The following MYLK variants were observed in gnomAD, a reference collection of about 807,000 sequenced individuals.
The protein encoded by MYLK is myosin light chain kinase, smooth muscle.
MYLK carries 106 observed loss-of-function variants against 203.4 expected under a neutral mutation model. The observed-to-expected ratio is 0.52, with a 90% CI of 0.45 to 0.61. The LOEUF (loss-of-function observed/expected upper bound fraction) is 0.61. Among genes scored for constraint, MYLK ranks in the 20% least tolerant of loss-of-function variants. MYLK has a pLI of 0.00. For missense variants in MYLK, 2,072 were observed against 2,442.3 expected, an observed-to-expected ratio of 0.85 and a Z score of 3.20; for synonymous variants, 867 against 959.5, an observed-to-expected ratio of 0.90 and a Z score of 1.78.
chr3:123,618,669 T>G lies in MYLK; in HGVS notation c.5470A>C (p.Ser1824Arg), dbSNP rs1212387004. 2.5e-6 allele frequency: 4 copies of G among 1,614,146 alleles called. No homozygotes were observed. The highest frequency in any genetic ancestry group is 1.7e-6 in the Non-Finnish European group (2 of 1,180,004). Reference sequence around the variant, plus strand: ...ATCTTGCAGTCAAATCTAGCAGCACTTCCCTCCACAACTTCTAAATCGCGA... The same window carrying G: ...ATCTTGCAGTCAAATCTAGCAGCACGTCCCTCCACAACTTCTAAATCGCGA... ...TIRDLEVVEG[S>R]AARFDCKIEG... Residue 1824 changes from serine to arginine, a missense_variant, in exon 33 of 34, where the codon AGT becomes CGT. Transcript: ENST00000360304.
At chr3:123,878,078 G>C (rs1212150196) in intron 1 of MYLK, among the ~76,000 whole-genome samples, 2 of 152,152 alleles carry the variant, frequency 1.3e-5, no homozygotes, top group African/African-American at 4.8e-5. Flanking sequence ...CTTCCACCCA[G>C]ATGTACTGAG....
chr3:123,743,998 C>A (rs1436050255), intron 5 of MYLK, among the ~76,000 whole-genome samples: 1 of 152,160 alleles, frequency 6.6e-6, no homozygotes, highest in African/African-American at 2.4e-5. Flanking sequence ...TACTTGTAGC[C>A]AACTTCAAAG....
intron 3 of MYLK, among the ~76,000 whole-genome samples, chr3:123,810,954 C>T (rs981452432): frequency 2.6e-5 from 4 of 152,232 alleles, no homozygotes; most frequent in African/African-American, 9.6e-5. Flanking sequence ...CTACCTTTTT[C>T]TCCTCACACT....
intron 33 of MYLK, 105 bp downstream of exon 33, chr3:123,618,534 G>T: frequency 6.6e-7 from 1 of 1,515,540 alleles, no homozygotes; most frequent in Non-Finnish European, 9.1e-7. Flanking sequence ...GTTCCTCATT[G>T]TCCCCAGCTG....
At chr3:123,806,961 G>C (rs556639190) in intron 3 of MYLK, among the ~76,000 whole-genome samples, 1 of 151,960 alleles carries the variant, frequency 6.6e-6, no homozygotes, top group African/African-American at 2.4e-5. Flanking sequence ...CACCGTGCCT[G>C]GCCAACATAC....
rs774172101 is a variant in MYLK at position 123,732,942 on chromosome 3, G to A, written c.1470C>T (p.Ser490=). Residue 490 remains serine (S), a synonymous_variant, in exon 11 of 34, where the codon TCC becomes TCT. Coordinates refer to ENST00000360304, the MANE Select transcript of MYLK (RefSeq NM_053025.4). Reference sequence around the variant, plus strand: ...TACAGGACAGCTGGCCTTGGGCGTTGGAAGCAGTGCAGCTGTATGTCCCAC... The same window carrying A: ...TACAGGACAGCTGGCCTTGGGCGTTAGAAGCAGTGCAGCTGTATGTCCCAC... ...RDSGTYSCTA[S]NAQGQLSCSW... The A allele has an allele frequency of 6.2e-7, 1 of 1,614,208 alleles. No individual in the cohort carries two copies. The highest frequency in any genetic ancestry group is 8.5e-7 in the Non-Finnish European group (1 of 1,180,040).
rs1238500264 is a variant in MYLK, at chr3:123,708,686, G to A, written c.2140+12C>T. The A allele has an allele frequency of 3.7e-6, 6 of 1,613,920 alleles. No homozygotes were observed. The highest frequency in any genetic ancestry group is 4.2e-6 in the Non-Finnish European group (5 of 1,180,008). On this transcript the variant is annotated intron_variant, in intron 15 of 33. Coordinates refer to ENST00000360304, the MANE Select transcript of MYLK (RefSeq NM_053025.4). ...ATCTCCTTCCCACTCGCTCTGAGTGGGTCAGCCTCACCTTGTACCGTGAGC... is the reference window on the plus strand; with the variant it reads ...ATCTCCTTCCCACTCGCTCTGAGTGAGTCAGCCTCACCTTGTACCGTGAGC...
chr3:123,807,897 T>C (rs2065426339), intron 3 of MYLK, among the ~76,000 whole-genome samples: 1 of 152,234 alleles, frequency 6.6e-6, no homozygotes, highest in Non-Finnish European at 1.5e-5. Context: ...CCAGGAGGCC[T>C]TGGCAGTGTG....
In MYLK at chr3:123,657,406, G is replaced by A; in HGVS notation, c.4008C>T (p.Gly1336=). The change falls in exon 24 of 34, where the codon GGC becomes GGT. Residue 1336 remains glycine (G), a synonymous_variant. Transcript: ENST00000360304. ...TVVDKPDPPA[G]TPCASDIRSS... ...TCCGAATGTCAGAGGCACAAGGTGT[G>A]CCAGCTGGGGGGTCTGGCTTATCTG... The A allele has an allele frequency of 6.2e-7, 1 of 1,613,672 alleles. No homozygotes were observed. Among genetic ancestry groups the A allele is most frequent in the Non-Finnish European group, 8.5e-7 (1 of 1,180,008 alleles).
chr3:123,750,366 T>C (rs1225970209), intron 5 of MYLK, among the ~76,000 whole-genome samples: 1 of 152,210 alleles, frequency 6.6e-6, no homozygotes, highest in African/African-American at 2.4e-5. Flanking sequence ...GCCCTCAGCC[T>C]GATTTCCTTT....
chr3:123,805,160 T>C (rs973325136), intron 3 of MYLK, among the ~76,000 whole-genome samples: 1 of 152,160 alleles, frequency 6.6e-6, no homozygotes, highest in Non-Finnish European at 1.5e-5. Flanking sequence ...GATACTTCTA[T>C]TCCAAATCCT....
chr3:123,735,231 T>C, intron 9 of MYLK, 167 bp downstream of exon 9: 1 of 921,106 alleles, frequency 1.1e-6, no homozygotes, highest in Non-Finnish European at 1.8e-6. Context: ...CCGTGTGTCA[T>C]ATTACAATAG....
chr3:123,686,118 T>C (rs564587314), intron 19 of MYLK, among the ~76,000 whole-genome samples: 21 of 152,326 alleles, frequency 1.4e-4, no homozygotes, highest in African/African-American at 4.3e-4. Flanking sequence ...GGGATAAAAA[T>C]AATAGTAATA....
intron 31 of MYLK, 128 bp from the exon 32 acceptor site, chr3:123,620,464 G>A: frequency 1.9e-6 from 3 of 1,582,210 alleles, no homozygotes; most frequent in South Asian, 2.2e-5. Context: ...GACCTCCTGA[G>A]AGCCGAGGTT....
intron 2 of MYLK, among the ~76,000 whole-genome samples, chr3:123,839,052 C>T (rs1175263803): frequency 6.6e-6 from 1 of 152,086 alleles, no homozygotes; most frequent in Non-Finnish European, 1.5e-5. Flanking sequence ...CAAGACTGTG[C>T]CACTGCACTC....
chr3:123,766,232 T>G lies in MYLK; in HGVS notation c.166-13694A>C, dbSNP rs544125908. On this transcript the variant is annotated intron_variant, in intron 4 of 33. Transcript: ENST00000360304. ...AAATCAGACCAAAGCCACTCTCTGT[T>G]TTGAAAATTTCCAATGAGTTCTCAT... Among the ~76,000 whole-genome samples the G allele has an allele frequency of 4.5e-4, 69 of 152,344 alleles. 1 individual carries two copies. The highest frequency in any genetic ancestry group is 1.6e-3 in the African/African-American group (67 of 41,596).
At chr3:123,861,806 A>C (rs1372209208) in intron 2 of MYLK, among the ~76,000 whole-genome samples, 2 of 152,188 alleles carry the variant, frequency 1.3e-5, no homozygotes. Context: ...TCAAAATGTC[A>C]ATCCTACAAA....
At chr3:123,784,641 G>GT (rs976248579) in intron 4 of MYLK, among the ~76,000 whole-genome samples, 6 of 151,922 alleles carry the variant, frequency 3.9e-5, no homozygotes, top group Admixed American at 3.9e-4. Context: ...TTTGACTTTT[G>GT]TCTATGGATT....
At chr3:123,858,851 T>A (rs1007303902) in intron 2 of MYLK, among the ~76,000 whole-genome samples, 1 of 152,144 alleles carries the variant, frequency 6.6e-6, no homozygotes, top group African/African-American at 2.4e-5. Flanking sequence ...CTAAAATGTA[T>A]CTGTTCACTC....
Sources: allele counts gnomAD v4.1 joint callset (sites outside exome capture counted in the v4.1 genomes callset), GRCh38; gene constraint gnomAD v4.1.1; transcripts MANE v1.5; gene names NCBI Gene and HGNC (gene_info 2026-07-23, HGNC 2026-07-21).